Variants in SIMC1 observed in about 807,000 individuals in gnomAD.
SIMC1 encodes SUMO-interacting motif-containing protein 1.
SIMC1 carries 55 observed loss-of-function variants against 82.3 expected under a neutral mutation model. The ratio of observed to expected loss-of-function variants is 0.67; its 90% CI spans 0.54 to 0.84. The LOEUF (loss-of-function observed/expected upper bound fraction) is 0.84. SIMC1 is among the 40% of genes least tolerant of loss of function. The probability of loss-of-function intolerance (pLI) is 0.00; values close to 1 mark genes in which losing one functional copy is unlikely to be tolerated. For missense variants in SIMC1, 915 were observed against 1,107.2 expected (o/e 0.83, Z 2.46); for synonymous variants, 353 against 426.3 (o/e 0.83, Z 2.12).
intron 4 of SIMC1, among the ~76,000 whole-genome samples, chr5:176,305,832 C>A (rs1764333309): frequency 1.4e-5 from 1 of 70,082 alleles, no homozygotes; most frequent in Admixed American, 1.2e-4. Context: ...GCCCGGCCAG[C>A]CGCCCCGTCC....
chr5:176,323,987 CAA>C (rs754656711), intron 6 of SIMC1, among the ~76,000 whole-genome samples: 1 of 96,952 alleles, frequency 1.0e-5, no homozygotes, highest in African/African-American at 3.8e-5. Flanking sequence ...GACTCCATCT[CAA>C]AAAAAAAAAA....
chr5:176,300,723 A>T (rs1481190774), intron 4 of SIMC1, among the ~76,000 whole-genome samples: 1 of 152,192 alleles, frequency 6.6e-6, no homozygotes, highest in Non-Finnish European at 1.5e-5. Flanking sequence ...TAGCTCAGTG[A>T]TAGAATTTTT....
At chr5:176,320,327 C>T (rs887384490) in intron 5 of SIMC1, among the ~76,000 whole-genome samples, 11 of 149,320 alleles carry the variant, frequency 7.4e-5, no homozygotes, top group Non-Finnish European at 1.3e-4. Flanking sequence ...TTCAAGCCAT[C>T]CTATTTTATT....
intron 4 of SIMC1, among the ~76,000 whole-genome samples, chr5:176,307,527 A>C (rs1465826488): frequency 6.6e-6 from 1 of 152,062 alleles, no homozygotes; most frequent in East Asian, 1.9e-4. Context: ...CAGCCTCCCG[A>C]GTAGCTGGGA....
chr5:176,328,593 ACT>A (rs1765494028), intron 7 of SIMC1, among the ~76,000 whole-genome samples: 2 of 152,072 alleles, frequency 1.3e-5, no homozygotes, highest in South Asian at 2.1e-4. Context: ...GATACAAATA[ACT>A]CTCACAAGTT....
At position 176,301,411 on chromosome 5, in the gene SIMC1, A is replaced by T. The variant is rs6896241; in HGVS notation, c.1734+5091A>T. Reference sequence around the variant, plus strand: ...CTGTAAGGCAACTAAACCTCTTTCCATTATAAATTACCCAGTCTAGGGTAT... The same window carrying T: ...CTGTAAGGCAACTAAACCTCTTTCCTTTATAAATTACCCAGTCTAGGGTAT... On this transcript the variant is annotated intron_variant, in intron 4 of 9. Coordinates refer to ENST00000429602, the MANE Select transcript of SIMC1 (RefSeq NM_001308195.2). 1.1e-3 allele frequency among the ~76,000 whole-genome samples: 167 copies of T among 152,052 alleles called. 2 individuals carry two copies. In the East Asian group the frequency reaches 0.018, roughly 16 times the overall value.
intron 1 of SIMC1, among the ~76,000 whole-genome samples, chr5:176,251,491 G>T (rs1208210049): frequency 6.6e-6 from 1 of 152,086 alleles, no homozygotes; most frequent in Non-Finnish European, 1.5e-5. Context: ...AAATCTCTCA[G>T]CATTTGCCTG....
intron 1 of SIMC1, among the ~76,000 whole-genome samples, chr5:176,280,016 T>C (rs544615028): frequency 0.12 from 17,519 of 151,756 alleles, 1,056 homozygotes; most frequent in Admixed American, 0.15. Flanking sequence ...TGAGTTCAAT[T>C]CCTGGGTATC....
chr5:176,330,208 C>G (rs1489186633), intron 7 of SIMC1, among the ~76,000 whole-genome samples: 1 of 152,068 alleles, frequency 6.6e-6, no homozygotes, highest in Non-Finnish European at 1.5e-5. Flanking sequence ...CGAGACCAGC[C>G]TGGCCAACAT....
At chr5:176,251,320 A>T (rs1485166092) in intron 1 of SIMC1, among the ~76,000 whole-genome samples, 2 of 152,224 alleles carry the variant, frequency 1.3e-5, no homozygotes, top group Non-Finnish European at 1.5e-5. Flanking sequence ...AGGTCGTGCC[A>T]CTGCACTCCA....
chr5:176,321,885 C>CTTTTTTTTTTTTTTTTTTTTTTT (rs11418187), intron 5 of SIMC1, among the ~76,000 whole-genome samples: 1 of 90,732 alleles, frequency 1.1e-5, no homozygotes, highest in African/African-American at 4.4e-5. Flanking sequence ...TTTTAGTTAG[C>CTTTTTTTTTTTTTTTTTTTTTTT]TTTTTTTTTT....
intron 4 of SIMC1, 75 bp from the exon 5 acceptor site, chr5:176,313,616 T>C (rs1399987014): frequency 1.0e-5 from 16 of 1,589,302 alleles, no homozygotes; most frequent in Non-Finnish European, 4.3e-6. Flanking sequence ...GGGCTTAGTA[T>C]TTATGAGAGC....
intron 7 of SIMC1, among the ~76,000 whole-genome samples, chr5:176,331,695 C>T (rs1765678652): frequency 6.6e-6 from 1 of 151,514 alleles, no homozygotes. Flanking sequence ...AGGCCAGATG[C>T]AGTTGGCTCA....
chr5:176,275,753 TG>T (rs1762660218), intron 1 of SIMC1, among the ~76,000 whole-genome samples: 1 of 151,902 alleles, frequency 6.6e-6, no homozygotes, highest in South Asian at 2.1e-4. Flanking sequence ...TCTTTGGTTC[TG>T]TTTATATGCT....
In SIMC1 at chr5:176,290,720, C is replaced by T. The variant is rs972420304; in HGVS notation, c.1196C>T (p.Pro399Leu). The change falls in exon 2 of 10, where the codon CCA becomes CTA. Residue 399 changes from proline (P) to leucine (L), a missense_variant. Around this residue, in one of 2 missense-constraint regions of SIMC1, gnomAD observed 902 missense variants for 1,040.3 expected, o/e 0.87. Transcript: ENST00000429602. ...TCCTCTCCAAGCTGCTCTCCCAGCC[C>T]ACAGTCTGAAACTCCCTTAGAGAAA... ...ALSSPSCSPS[P>L]QSETPLEKVP... 10 of 1,613,752 alleles carry T rather than the reference C, an allele frequency of 6.2e-6. No individual in the cohort carries two copies. Among genetic ancestry groups the T allele is most frequent in the East Asian group, 2.2e-5 (1 of 44,892 alleles).
intron 4 of SIMC1, among the ~76,000 whole-genome samples, chr5:176,311,404 ATTT>A (rs1764656760): frequency 6.6e-6 from 1 of 151,880 alleles, no homozygotes; most frequent in African/African-American, 2.4e-5. Flanking sequence ...CGCCTGGATA[ATTT>A]TTTTATTTTT....
chr5:176,335,610 G>C (rs1467702044), intron 7 of SIMC1, among the ~76,000 whole-genome samples: 1 of 118,482 alleles, frequency 8.4e-6, no homozygotes, highest in African/African-American at 2.8e-5. Flanking sequence ...AATTGCTCTA[G>C]GTAATTCTAC....
chr5:176,340,507 G>C (rs1766089394), intron 9 of SIMC1, among the ~76,000 whole-genome samples: 1 of 152,196 alleles, frequency 6.6e-6, no homozygotes, highest in Non-Finnish European at 1.5e-5. Flanking sequence ...CAGTCATTCT[G>C]AGGCCAGTCA....
At chr5:176,247,615 A>G (rs183417229) in intron 1 of SIMC1, among the ~76,000 whole-genome samples, 29 of 152,214 alleles carry the variant, frequency 1.9e-4, no homozygotes, top group Admixed American at 7.2e-4. Context: ...TGGTTTAATC[A>G]GATCCATTTG....
Sources: gnomAD v4.1 joint callset for allele counts (sites outside exome capture counted in the v4.1 genomes callset) on GRCh38, gnomAD v4.1.1 for gene constraint, gnomAD v4.1.1 regional missense constraint, MANE v1.5 for transcripts, NCBI Gene and HGNC (gene_info 2026-07-23, HGNC 2026-07-21) for gene names.